SEMA5A: variants seen among roughly 807,000 people sequenced by gnomAD.
The protein encoded by SEMA5A is semaphorin-5A.
Under a neutral mutation model 135.5 loss-of-function variants are expected in SEMA5A, and 55 were observed. The ratio of observed to expected loss-of-function variants is 0.41; its 90% CI spans 0.33 to 0.51. The LOEUF (loss-of-function observed/expected upper bound fraction) is 0.51. SEMA5A is among the 20% of genes least tolerant of loss of function. SEMA5A has a pLI of 0.37. For synonymous variants in SEMA5A, 580 were observed against 546.5 expected (o/e 1.06, Z -0.85); for missense variants, 1,290 against 1,419.9 (o/e 0.91, Z 1.47).
intron 11 of SEMA5A, among the ~76,000 whole-genome samples, chr5:9,164,347 A>T (rs1015832495): frequency 2.2e-4 from 32 of 148,180 alleles, no homozygotes; most frequent in African/African-American, 7.1e-4. Context: ...GAAATAATAG[A>T]TTCTGGCATC....
intron 12 of SEMA5A, among the ~76,000 whole-genome samples, chr5:9,151,895 T>A (rs1742653834): frequency 6.6e-6 from 1 of 152,138 alleles, no homozygotes; most frequent in African/African-American, 2.4e-5. Context: ...CACACCAGTG[T>A]CATCATTCTC....
chr5:9,169,106 T>G (rs11746238), intron 11 of SEMA5A, among the ~76,000 whole-genome samples: 16,681 of 152,068 alleles, frequency 0.11, 1,327 homozygotes, highest in African/African-American at 0.22. Context: ...ATGCTGTACT[T>G]TACAGTTGAA....
chr5:9,210,752 G>A (rs552961614), intron 8 of SEMA5A, among the ~76,000 whole-genome samples: 12 of 152,294 alleles, frequency 7.9e-5, no homozygotes, highest in Non-Finnish European at 1.3e-4. Flanking sequence ...GTGCTCATCT[G>A]TAGAAGAAGG....
chr5:9,075,288 A>T (rs1182592716), intron 16 of SEMA5A, among the ~76,000 whole-genome samples: 7 of 152,192 alleles, frequency 4.6e-5, no homozygotes, highest in African/African-American at 1.7e-4. Context: ...AGTCAAACGT[A>T]TACATATCAC....
intron 12 of SEMA5A, among the ~76,000 whole-genome samples, chr5:9,141,017 C>T (rs980488957): frequency 3.9e-5 from 6 of 152,134 alleles, no homozygotes; most frequent in African/African-American, 7.2e-5. Context: ...TGGTTCTGCA[C>T]GTTCTTAACA....
intron 2 of SEMA5A, among the ~76,000 whole-genome samples, chr5:9,382,114 A>G (rs1755647443): frequency 6.6e-6 from 1 of 151,940 alleles, no homozygotes; most frequent in Non-Finnish European, 1.5e-5. Flanking sequence ...TGGGAAATAT[A>G]ATGAGATTTC....
intron 9 of SEMA5A, among the ~76,000 whole-genome samples, chr5:9,200,100 T>C (rs1380207421): frequency 6.6e-6 from 1 of 152,170 alleles, no homozygotes; most frequent in Non-Finnish European, 1.5e-5. Flanking sequence ...GTGGAAAATA[T>C]TGTGAAATTT....
At chr5:9,349,737 T>TA (rs760192596) in intron 3 of SEMA5A, among the ~76,000 whole-genome samples, 8 of 151,818 alleles carry the variant, frequency 5.3e-5, no homozygotes, top group Non-Finnish European at 1.2e-4. Flanking sequence ...CTGTCCCCAC[T>TA]AAAAATACAA....
chr5:9,039,223 C>G lies in SEMA5A; in HGVS notation c.*3674G>C, dbSNP rs541048617. The G allele has an allele frequency of 6.6e-6, 1 of 152,398 alleles. No individual in the cohort carries two copies. Among genetic ancestry groups the G allele is most frequent in the South Asian group, 2.1e-4 (1 of 4,830 alleles). 9.4% of individuals were successfully genotyped at this position (152,398 alleles called of 1,614,324 possible). A position where few individuals can be genotyped will look rare whatever the true frequency, so the allele number is the denominator to read the frequency against. ...GAGTCCAAGGGTCAGACCCATGGAC[C>G]TGTGAAGTGGGCAACCGTTTCCGGG... On this transcript the variant is annotated 3_prime_UTR_variant, in exon 23 of 23. Transcript: ENST00000382496.
rs183736707 is a variant in SEMA5A, at chr5:9,278,180, T to C, written c.270+40192A>G. On this transcript the variant is annotated intron_variant, in intron 5 of 22. Coordinates refer to ENST00000382496, the MANE Select transcript of SEMA5A (RefSeq NM_003966.3). The stretch of plus-strand genomic sequence containing the variant: ...TGGTAATGAGGAACATACTGGGAAG[T>C]GGAGTGATGGCAACCCTTGCTATGC... Among the ~76,000 whole-genome samples, 429 of 151,162 alleles carry C rather than the reference T, an allele frequency of 2.8e-3. 1 individual carries two copies. Among genetic ancestry groups the C allele is most frequent in the African/African-American group, 9.9e-3 (406 of 41,096 alleles).
chr5:9,138,353 A>ATATATGTATAGATGTG (rs1741874363), intron 12 of SEMA5A, among the ~76,000 whole-genome samples: 2 of 152,146 alleles, frequency 1.3e-5, no homozygotes, highest in Non-Finnish European at 2.9e-5. Context: ...ATATCTATAT[A>ATATATGTATAGATGTG]TACATATATA....
At chr5:9,221,362 G>C (rs112136518) in intron 8 of SEMA5A, among the ~76,000 whole-genome samples, 7,797 of 146,926 alleles carry the variant, frequency 0.053, 606 homozygotes, top group African/African-American at 0.17. Context: ...GAGTGCAGTG[G>C]CGCGATCTCG....
intron 2 of SEMA5A, among the ~76,000 whole-genome samples, chr5:9,392,597 G>A (rs1248405149): frequency 1.3e-5 from 2 of 152,144 alleles, no homozygotes; most frequent in African/African-American, 4.8e-5. Flanking sequence ...GCTTGTGTGG[G>A]AGGAATAACA....
At chr5:9,383,718 C>T (rs16882584) in intron 2 of SEMA5A, among the ~76,000 whole-genome samples, 1,685 of 152,322 alleles carry the variant, frequency 0.011, 27 homozygotes, top group African/African-American at 0.039. Flanking sequence ...GATTCCCCTT[C>T]TGCTACCGAT....
chr5:9,060,629 G>T (rs142114347), intron 18 of SEMA5A, among the ~76,000 whole-genome samples: 1 of 152,194 alleles, frequency 6.6e-6, no homozygotes, highest in African/African-American at 2.4e-5. Context: ...GGCTGGGAAA[G>T]CTGGGTGGGC....
chr5:9,237,306 G>T (rs1047070854), intron 6 of SEMA5A, among the ~76,000 whole-genome samples: 2 of 152,146 alleles, frequency 1.3e-5, no homozygotes, highest in Admixed American at 6.6e-5. Flanking sequence ...ATGTACAATT[G>T]CTCAAGAAAC....
At chr5:9,116,988 C>T (rs1277512729) in intron 15 of SEMA5A, among the ~76,000 whole-genome samples, 1 of 152,150 alleles carries the variant, frequency 6.6e-6, no homozygotes. Context: ...AATAGAAAAG[C>T]TTAAATTCTA....
In SEMA5A at chr5:9,304,217, C is replaced by T. The variant is rs114179185; in HGVS notation, c.270+14155G>A. Among the ~76,000 whole-genome samples the T allele has an allele frequency of 1.9e-3, 289 of 152,058 alleles. 2 individuals carry two copies. The highest frequency in any genetic ancestry group is 6.5e-3 in the African/African-American group (270 of 41,512). ...AATTTCCAATAGTATTTCCATTTTTCTTAGTGATAAAAATAATCTTCATAT... is the reference window on the plus strand; with the variant it reads ...AATTTCCAATAGTATTTCCATTTTTTTTAGTGATAAAAATAATCTTCATAT... On this transcript the variant is annotated intron_variant, in intron 5 of 22. Coordinates refer to ENST00000382496, the MANE Select transcript of SEMA5A (RefSeq NM_003966.3).
At chr5:9,500,793 T>C (rs1365391364) in intron 1 of SEMA5A, among the ~76,000 whole-genome samples, 1 of 152,230 alleles carries the variant, frequency 6.6e-6, no homozygotes. Flanking sequence ...CCACATTATA[T>C]GTGTTTTAGG....
Sources: allele counts gnomAD v4.1 joint callset (sites outside exome capture counted in the v4.1 genomes callset), GRCh38; gene constraint gnomAD v4.1.1; transcripts MANE v1.5; gene names NCBI Gene and HGNC (gene_info 2026-07-23, HGNC 2026-07-21).